The following PRTG variants were observed in gnomAD, a reference collection of about 807,000 sequenced individuals.
PRTG encodes protogenin, also known as immunoglobulin superfamily, DCC subclass, member 5.
In PRTG, 67 loss-of-function variants were observed where a neutral mutation model predicts 122.5. That is an observed-to-expected ratio of 0.55 (90% CI 0.45 to 0.67). The LOEUF (loss-of-function observed/expected upper bound fraction) is 0.67. Among genes scored for constraint, PRTG ranks in the 30% least tolerant of loss-of-function variants. PRTG has a pLI of 0.00. For synonymous variants in PRTG, 554 were observed against 501.1 expected (o/e 1.11, Z -1.41); for missense variants, 1,435 against 1,415.4 (o/e 1.01, Z -0.22).
chr15:55,640,435 T>G (rs561742805), intron 12 of PRTG, among the ~76,000 whole-genome samples: 1 of 152,248 alleles, frequency 6.6e-6, no homozygotes, highest in Non-Finnish European at 1.5e-5. Flanking sequence ...TGATAACAGA[T>G]TGGAAGGCAG....
At chr15:55,703,875 TTTC>T (rs1316888323) in intron 2 of PRTG, among the ~76,000 whole-genome samples, 1 of 152,226 alleles carries the variant, frequency 6.6e-6, no homozygotes, top group African/African-American at 2.4e-5. Flanking sequence ...CAACTGGGAC[TTTC>T]TTCTTCTCAA....
intron 17 of PRTG, among the ~76,000 whole-genome samples, chr15:55,626,494 A>G (rs1376425324): frequency 6.6e-6 from 1 of 151,852 alleles, no homozygotes; most frequent in Non-Finnish European, 1.5e-5. Flanking sequence ...CTGTAATCTC[A>G]GCACTTTGGG....
chr15:55,668,516 A>C (rs2059450636), intron 11 of PRTG, among the ~76,000 whole-genome samples: 1 of 152,214 alleles, frequency 6.6e-6, no homozygotes. Flanking sequence ...CAAGTATTTA[A>C]AAATCCTACT....
intron 2 of PRTG, among the ~76,000 whole-genome samples, chr15:55,735,068 T>A (rs921711855): frequency 6.6e-6 from 1 of 152,216 alleles, no homozygotes; most frequent in African/African-American, 2.4e-5. Context: ...ATGATTTTTT[T>A]AAAGATTTAA....
At chr15:55,645,491 T>C (rs966528117) in intron 11 of PRTG, among the ~76,000 whole-genome samples, 3 of 134,590 alleles carry the variant, frequency 2.2e-5, no homozygotes, top group African/African-American at 8.0e-5. Flanking sequence ...AGTGTTAAGA[T>C]AAACATCACC....
intron 8 of PRTG, 36 bp from the exon 9 acceptor site, chr15:55,675,719 A>T (rs1426898101): frequency 5.2e-6 from 7 of 1,351,766 alleles, no homozygotes; most frequent in Non-Finnish European, 7.3e-6. Context: ...AATGACAGAT[A>T]TTCAAAATAA....
chr15:55,689,453 A>G (rs1165539964), intron 2 of PRTG, among the ~76,000 whole-genome samples: 1 of 152,098 alleles, frequency 6.6e-6, no homozygotes, highest in Non-Finnish European at 1.5e-5. Flanking sequence ...CAACAAACAG[A>G]CTTGTTAGTG....
intron 2 of PRTG, among the ~76,000 whole-genome samples, chr15:55,700,258 A>G (rs1249190508): frequency 6.6e-6 from 1 of 152,210 alleles, no homozygotes; most frequent in African/African-American, 2.4e-5. Flanking sequence ...CCATATTTGA[A>G]AAAATTCATC....
chr15:55,715,245 C>A (rs1020084904), intron 2 of PRTG, among the ~76,000 whole-genome samples: 19 of 152,288 alleles, frequency 1.2e-4, no homozygotes, highest in Admixed American at 7.2e-4. Flanking sequence ...GAATTAGTTT[C>A]CACCATATCT....
intron 11 of PRTG, among the ~76,000 whole-genome samples, chr15:55,652,478 T>C (rs2059358241): frequency 6.6e-6 from 1 of 152,192 alleles, no homozygotes; most frequent in Non-Finnish European, 1.5e-5. Context: ...ACTGGAGAGC[T>C]CCTTGGTCTG....
intron 16 of PRTG, among the ~76,000 whole-genome samples, chr15:55,628,454 C>A (rs1183500437): frequency 6.6e-6 from 1 of 151,796 alleles, no homozygotes; most frequent in Non-Finnish European, 1.5e-5. Context: ...TAATGAAAAC[C>A]ATGCTCTCTT....
At chr15:55,663,925 A>G (rs1184269924) in intron 11 of PRTG, among the ~76,000 whole-genome samples, 1 of 152,160 alleles carries the variant, frequency 6.6e-6, no homozygotes, top group African/African-American at 2.4e-5. Context: ...CACTCAGCAT[A>G]ATGACATTGA....
At chr15:55,686,891 T>C (rs936332778) in intron 2 of PRTG, among the ~76,000 whole-genome samples, 5 of 152,236 alleles carry the variant, frequency 3.3e-5, no homozygotes, top group African/African-American at 1.2e-4. Flanking sequence ...CTGGTTCACT[T>C]ATCCCATCCT....
At chr15:55,709,534 T>A (rs1211305154) in intron 2 of PRTG, among the ~76,000 whole-genome samples, 1 of 151,986 alleles carries the variant, frequency 6.6e-6, no homozygotes, top group Non-Finnish European at 1.5e-5. Flanking sequence ...CTTAGGTATC[T>A]ACCCAAGTGA....
At chr15:55,626,001 C>G (rs1465879662) in intron 17 of PRTG, among the ~76,000 whole-genome samples, 1 of 152,172 alleles carries the variant, frequency 6.6e-6, no homozygotes, top group Non-Finnish European at 1.5e-5. Context: ...GATCCTCCCA[C>G]CTTGACTTCC....
Position 55,706,071 on chromosome 15 carries a change from AG to A in PRTG, c.398-22141del, listed in dbSNP as rs755139945. On this transcript the variant is annotated intron_variant, in intron 2 of 19. Transcript: ENST00000389286. ...GAGACGGGATTTCACCATGTTAGCC[AG>A]GCTGGTCTCAATCTCCTGACCTCGT... 9.1e-5 allele frequency among the ~76,000 whole-genome samples: 12 copies of A among 132,108 alleles called. No individual in the cohort carries two copies. In the East Asian group the frequency reaches 1.3e-3, roughly 14 times the overall value. 86.7% of individuals were successfully genotyped at this position (132,108 alleles called of 152,430 possible). A position where few individuals can be genotyped will look rare whatever the true frequency, so the allele number is the denominator to read the frequency against.
At chr15:55,640,752 G>C (rs922397583) in intron 12 of PRTG, among the ~76,000 whole-genome samples, 9 of 152,016 alleles carry the variant, frequency 5.9e-5, no homozygotes, top group African/African-American at 2.2e-4. Flanking sequence ...GCTCACGTCT[G>C]TAATCCCAGC....
rs770941084 is a variant in PRTG at position 55,620,192 on chromosome 15, G to C, written c.3273C>G (p.Ser1091=). ...GTTVLISDED[S]PSSPGQTTSF... ...TGGTTGTCTGACCTGGGGAGCTAGG[G>C]GAGTCTTCATCACTGATTAATACAG... The change falls in exon 20 of 20, where the codon TCC becomes TCG. Residue 1091 remains serine, a synonymous_variant. Transcript: ENST00000389286. 1.9e-6 allele frequency: 3 copies of C among 1,614,154 alleles called. No homozygotes were observed. Among genetic ancestry groups the C allele is most frequent in the Non-Finnish European group, 2.5e-6 (3 of 1,180,028 alleles).
At chr15:55,659,505 T>C (rs1344322060) in intron 11 of PRTG, among the ~76,000 whole-genome samples, 1 of 152,172 alleles carries the variant, frequency 6.6e-6, no homozygotes, top group African/African-American at 2.4e-5. Flanking sequence ...TGTCCACTAT[T>C]ACACAGCCCC....
Sources: allele counts gnomAD v4.1 joint callset (sites outside exome capture counted in the v4.1 genomes callset), GRCh38; gene constraint gnomAD v4.1.1; transcripts MANE v1.5; gene names NCBI Gene and HGNC (gene_info 2026-07-23, HGNC 2026-07-21).